Variants in ABTB3 observed in about 807,000 individuals in gnomAD.
ABTB3 encodes ankyrin repeat- and BTB/POZ domain-containing protein 3.
At chr12:107,658,428 A>G in the ABTB3 span, 2 of 152,578 alleles carry the variant, frequency 1.3e-5, no homozygotes, top group Non-Finnish European at 2.9e-5. Context: ...AAGTTGAAAT[A>G]ATCTTGCCTT....
chr12:107,554,958 G>T, the ABTB3 span, among the ~76,000 whole-genome samples: 1 of 152,144 alleles, frequency 6.6e-6, no homozygotes, highest in Non-Finnish European at 1.5e-5. Context: ...AGACTTTGGG[G>T]GCTGGAGTGA....
the ABTB3 span, among the ~76,000 whole-genome samples, chr12:107,472,262 T>G: frequency 6.6e-6 from 1 of 152,152 alleles, no homozygotes; most frequent in South Asian, 2.1e-4. Context: ...CACATGAACC[T>G]TAAAGGCTTC....
At chr12:107,461,921 A>T in the ABTB3 span, among the ~76,000 whole-genome samples, 1 of 152,096 alleles carries the variant, frequency 6.6e-6, no homozygotes, top group Non-Finnish European at 1.5e-5. Context: ...ATAAGGAGGG[A>T]GCCAGGTTTT....
At chr12:107,420,443 G>A in the ABTB3 span, among the ~76,000 whole-genome samples, 1 of 152,178 alleles carries the variant, frequency 6.6e-6, no homozygotes, top group East Asian at 1.9e-4. Context: ...AGGCAAGAGA[G>A]CATGTGCAGG....
chr12:107,620,278 T>C, the ABTB3 span: 2 of 1,352,340 alleles, frequency 1.5e-6, no homozygotes, highest in Non-Finnish European at 2.0e-6. Context: ...ACTACGGTCA[T>C]AGCGACCAGT....
chr12:107,566,272 C>G, the ABTB3 span, among the ~76,000 whole-genome samples: 16 of 152,016 alleles, frequency 1.1e-4, no homozygotes, highest in African/African-American at 3.6e-4. Flanking sequence ...TATCCCATTC[C>G]CATCCCCTAC....
chr12:107,603,188 T>G, the ABTB3 span, among the ~76,000 whole-genome samples: 1 of 152,192 alleles, frequency 6.6e-6, no homozygotes, highest in Non-Finnish European at 1.5e-5. Context: ...AGAAACTTTC[T>G]GGAAAGACTG....
the ABTB3 span, among the ~76,000 whole-genome samples, chr12:107,481,415 A>T: frequency 2.0e-5 from 3 of 152,082 alleles, no homozygotes; most frequent in East Asian, 3.9e-4. Flanking sequence ...CCCTCTGAGC[A>T]CCAGGTTGCA....
the ABTB3 span, among the ~76,000 whole-genome samples, chr12:107,390,477 A>G: frequency 2.6e-5 from 4 of 152,202 alleles, no homozygotes; most frequent in Non-Finnish European, 4.4e-5. Flanking sequence ...TGTGCTTGCC[A>G]CTTTCAATCA....
chr12:107,622,908 A>G, the ABTB3 span, among the ~76,000 whole-genome samples: 12 of 152,236 alleles, frequency 7.9e-5, no homozygotes, highest in Non-Finnish European at 1.6e-4. Context: ...CACTCAAACC[A>G]TACTTGAAAT....
At chr12:107,411,743 G>A in the ABTB3 span, among the ~76,000 whole-genome samples, 1 of 152,304 alleles carries the variant, frequency 6.6e-6, no homozygotes, top group Non-Finnish European at 1.5e-5. Context: ...CGTCTTGCAG[G>A]ACTGACTAGC....
At chr12:107,451,292 A>G in the ABTB3 span, among the ~76,000 whole-genome samples, 4 of 152,160 alleles carry the variant, frequency 2.6e-5, no homozygotes, top group Non-Finnish European at 4.4e-5. Flanking sequence ...TGGAAACCTC[A>G]TTTCTCTCTT....
At chr12:107,417,379 GTC>G in the ABTB3 span, among the ~76,000 whole-genome samples, 1 of 152,104 alleles carries the variant, frequency 6.6e-6, no homozygotes, top group Admixed American at 6.6e-5. Context: ...CATCACCCCA[GTC>G]TCTCTCTCTG....
chr12:107,651,585 T>G, the ABTB3 span: 1 of 825,490 alleles, frequency 1.2e-6, no homozygotes, highest in Non-Finnish European at 2.0e-6. Flanking sequence ...AAGGTGAAGA[T>G]GAGGACTGTC....
chr12:107,464,206 A>T, the ABTB3 span, among the ~76,000 whole-genome samples: 1 of 133,536 alleles, frequency 7.5e-6, no homozygotes, highest in African/African-American at 2.8e-5. Context: ...ACATGTGAAG[A>T]GTGTGTGTGT....
chr12:107,351,864 T>C, the ABTB3 span, among the ~76,000 whole-genome samples: 1 of 152,098 alleles, frequency 6.6e-6, no homozygotes, highest in Admixed American at 6.5e-5. Flanking sequence ...CTGAGGCAAA[T>C]CATGGGACTT....
chr12:107,476,273 C>T, the ABTB3 span, among the ~76,000 whole-genome samples: 1 of 152,128 alleles, frequency 6.6e-6, no homozygotes, highest in Non-Finnish European at 1.5e-5. Flanking sequence ...TCTCTACCAC[C>T]CCAGCCCCTC....
the ABTB3 span, among the ~76,000 whole-genome samples, chr12:107,597,802 C>T: frequency 6.6e-6 from 1 of 152,190 alleles, no homozygotes; most frequent in Non-Finnish European, 1.5e-5. Context: ...CTTTAGAGGA[C>T]CCAAGTCCCT....
chr12:107,476,472 A>C, the ABTB3 span, among the ~76,000 whole-genome samples: 1 of 152,090 alleles, frequency 6.6e-6, no homozygotes, highest in Non-Finnish European at 1.5e-5. Context: ...TGTGTCAGAC[A>C]ATCTCCAAGG....
Sources: allele counts gnomAD v4.1 joint callset (sites outside exome capture counted in the v4.1 genomes callset), GRCh38; gene constraint gnomAD v4.1.1; transcripts MANE v1.5; gene names NCBI Gene and HGNC (gene_info 2026-07-23, HGNC 2026-07-21).